NF1: variants seen among roughly 807,000 people sequenced by gnomAD.
NF1 encodes neurofibromin.
NF1 carries 122 observed loss-of-function variants against 325.7 expected under a neutral mutation model. That is an observed-to-expected ratio of 0.37 (90% confidence interval 0.32 to 0.44). The LOEUF is 0.44. NF1 is among the 20% of genes least tolerant of loss of function. The probability of loss-of-function intolerance (pLI) is 1.00; values close to 1 mark genes in which losing one functional copy is unlikely to be tolerated. For missense variants in NF1, 2,140 were observed against 3,415.4 expected (o/e 0.63, Z 9.31); for synonymous variants, 1,091 against 1,186.0 (o/e 0.92, Z 1.65).
chr17:31,294,972 G>C (rs1296234420), intron 36 of NF1: 1 of 1,613,672 alleles, frequency 6.2e-7, no homozygotes, highest in Non-Finnish European at 8.5e-7. Context: ...GTACATCAGG[G>C]AGGAGTGCTT....
At chr17:31,117,147 A>G (rs937335778) in intron 1 of NF1, among the ~76,000 whole-genome samples, 2 of 150,590 alleles carry the variant, frequency 1.3e-5, no homozygotes, top group African/African-American at 2.4e-5. Flanking sequence ...GCCTGGCTAA[A>G]TTTTTGTATT....
intron 56 of NF1, 138 bp downstream of exon 56, chr17:31,359,153 A>AGTAAC: frequency 1.3e-6 from 1 of 757,930 alleles, no homozygotes; most frequent in Non-Finnish European, 2.2e-6. Context: ...CTTTTATAAA[A>AGTAAC]AGTTTCTCAT....
At chr17:31,256,789 C>T (rs191336264) in intron 31 of NF1, among the ~76,000 whole-genome samples, 283 of 152,176 alleles carry the variant, frequency 1.9e-3, no homozygotes, top group Middle Eastern at 6.8e-3. Flanking sequence ...CACCAGTTTC[C>T]CCTTATTTAA....
intron 1 of NF1, among the ~76,000 whole-genome samples, chr17:31,139,297 C>T (rs528130985): frequency 1.3e-5 from 2 of 152,126 alleles, no homozygotes; most frequent in East Asian, 3.9e-4. Flanking sequence ...ATCGGCCTGC[C>T]TCGGCCTCTC....
intron 31 of NF1, among the ~76,000 whole-genome samples, chr17:31,255,023 A>G (rs1407095017): frequency 6.6e-6 from 1 of 152,234 alleles, no homozygotes; most frequent in East Asian, 1.9e-4. Flanking sequence ...TGTAAAATAT[A>G]GAGAGAAGAT....
intron 1 of NF1, 140 bp downstream of exon 1, chr17:31,095,509 G>C (rs1169732189): frequency 2.5e-6 from 2 of 797,278 alleles, no homozygotes; most frequent in East Asian, 2.9e-5. Context: ...AGAAGGGAAG[G>C]GGGGATAAGT....
intron 1 of NF1, among the ~76,000 whole-genome samples, chr17:31,096,465 T>A (rs1911731963): frequency 6.6e-6 from 1 of 152,186 alleles, no homozygotes. Flanking sequence ...ACACATAGCC[T>A]TTTGTCAGTG....
At chr17:31,228,831 A>G (rs2067060863) in intron 20 of NF1, among the ~76,000 whole-genome samples, 194 bp from the exon 21 acceptor site, 1 of 152,220 alleles carries the variant, frequency 6.6e-6, no homozygotes. Flanking sequence ...CACTCGGCTG[A>G]TTATATTAGT....
chr17:31,220,413 A>T (rs923591722), intron 14 of NF1, among the ~76,000 whole-genome samples: 6 of 152,244 alleles, frequency 3.9e-5, no homozygotes, highest in Admixed American at 3.9e-4. Flanking sequence ...CAAACATTTC[A>T]TTTTTTTATG....
intron 4 of NF1, among the ~76,000 whole-genome samples, chr17:31,167,972 C>T (rs2065871947): frequency 6.6e-6 from 1 of 152,086 alleles, no homozygotes; most frequent in Non-Finnish European, 1.5e-5. Flanking sequence ...AAAAGGCTTA[C>T]TCGGTTTTCA....
chr17:31,184,641 C>A (rs1396763279), intron 8 of NF1, among the ~76,000 whole-genome samples: 1 of 144,756 alleles, frequency 6.9e-6, no homozygotes, highest in African/African-American at 2.5e-5. Flanking sequence ...CAGCGAGACT[C>A]CGTCTCAAAA....
At chr17:31,205,974 C>T (rs920685550) in intron 11 of NF1, among the ~76,000 whole-genome samples, 3 of 151,400 alleles carry the variant, frequency 2.0e-5, no homozygotes, top group African/African-American at 4.9e-5. Flanking sequence ...ACTGGCTAAT[C>T]ATCGAGAAAA....
intron 39 of NF1, among the ~76,000 whole-genome samples, chr17:31,332,469 A>G (rs906947326): frequency 1.3e-5 from 2 of 152,162 alleles, no homozygotes; most frequent in African/African-American, 4.8e-5. Context: ...GTCTCAAAAT[A>G]AATAAATGAA....
At chr17:31,102,462 G>T (rs190722135) in intron 1 of NF1, among the ~76,000 whole-genome samples, 1 of 152,188 alleles carries the variant, frequency 6.6e-6, no homozygotes, top group African/African-American at 2.4e-5. Flanking sequence ...GGGAGAGTAG[G>T]CCAGGTGCGG....
intron 1 of NF1, chr17:31,133,065 C>T (rs1915508451): frequency 6.6e-6 from 1 of 152,172 alleles, no homozygotes; most frequent in East Asian, 1.9e-4. Context: ...GTACATTCAC[C>T]TTGTTGTGTA....
chr17:31,166,016 T>A (rs970025130), intron 4 of NF1, among the ~76,000 whole-genome samples: 1 of 152,198 alleles, frequency 6.6e-6, no homozygotes, highest in African/African-American at 2.4e-5. Flanking sequence ...AAGATAGCTT[T>A]ATTTTTCTCT....
At chr17:31,193,304 T>C (rs890364415) in intron 8 of NF1, among the ~76,000 whole-genome samples, 23 of 152,172 alleles carry the variant, frequency 1.5e-4, no homozygotes, top group Admixed American at 1.5e-3. Context: ...TCATTGTCTT[T>C]AACTGCTGTA....
At chr17:31,203,696 G>A (rs1462899472) in intron 11 of NF1, among the ~76,000 whole-genome samples, 2 of 152,108 alleles carry the variant, frequency 1.3e-5, no homozygotes, top group Non-Finnish European at 2.9e-5. Flanking sequence ...CATTCGTAGT[G>A]TAAATTTTTT....
At chr17:31,304,499 T>G in intron 36 of NF1, 4 of 1,614,174 alleles carry the variant, frequency 2.5e-6, no homozygotes, top group Non-Finnish European at 3.4e-6. Flanking sequence ...GGGAGACTAG[T>G]AGAATCATTT....
Sources: gnomAD v4.1 joint callset for allele counts (sites outside exome capture counted in the v4.1 genomes callset) on GRCh38, gnomAD v4.1.1 for gene constraint, MANE v1.5 for transcripts, NCBI Gene and HGNC (gene_info 2026-07-23, HGNC 2026-07-21) for gene names.